Variants in MFHAS1 observed in about 807,000 individuals in gnomAD.
MFHAS1 encodes multifunctional ROCO family signaling regulator 1.
Under a neutral mutation model 70.4 loss-of-function variants are expected in MFHAS1, and 50 were observed. The observed-to-expected ratio is 0.71, with a 90% CI of 0.57 to 0.90. The LOEUF is 0.90. Ranked by LOEUF, MFHAS1 falls within the 40% of genes least tolerant of loss-of-function variation. MFHAS1 has a pLI of 0.00. For missense variants in MFHAS1, 1,795 were observed against 1,347.6 expected, an observed-to-expected ratio of 1.33 and a Z score of -5.20; for synonymous variants, 952 against 620.0, an observed-to-expected ratio of 1.54 and a Z score of -7.96.
chr8:8,890,620 G>C lies in MFHAS1; in HGVS notation c.2439C>G (p.Ala813=), dbSNP rs1585076907. 1 of 1,613,904 alleles carries C rather than the reference G, an allele frequency of 6.2e-7. No homozygotes were observed. The highest frequency in any genetic ancestry group is 8.5e-7 in the Non-Finnish European group (1 of 1,179,988). ...IRLLLKPHVQ[A]QQDLQLLLEL... Reference sequence around the variant, plus strand: ...CCAGCAACAGCTGCAAGTCCTGCTGGGCCTGGACATGAGGCTTAAGCAGCA... The same window carrying C: ...CCAGCAACAGCTGCAAGTCCTGCTGCGCCTGGACATGAGGCTTAAGCAGCA... Residue 813 remains alanine, a synonymous_variant, in exon 1 of 3, where the codon GCC becomes GCG. Transcript: ENST00000276282.
chr8:8,884,997 A>G (rs892814194), intron 1 of MFHAS1, among the ~76,000 whole-genome samples: 2 of 151,970 alleles, frequency 1.3e-5, no homozygotes, highest in African/African-American at 4.8e-5. Context: ...AGACCAAACT[A>G]TCATTCAGCA....
At chr8:8,867,930 A>T (rs567452089) in intron 1 of MFHAS1, among the ~76,000 whole-genome samples, 19 of 152,280 alleles carry the variant, frequency 1.2e-4, no homozygotes, top group African/African-American at 4.6e-4. Context: ...GTTTAACTCC[A>T]TTCTTCATTC....
Position 8,893,146 on chromosome 8 carries a change from C to G in MFHAS1, c.-88G>C. 1 of 875,174 alleles carries G rather than the reference C, an allele frequency of 1.1e-6. No individual in the cohort carries two copies. Among genetic ancestry groups the G allele is most frequent in the Non-Finnish European group, 1.5e-6 (1 of 662,784 alleles). 54.2% of individuals were successfully genotyped at this position (875,174 alleles called of 1,614,324 possible). On this transcript the variant is annotated 5_prime_UTR_variant, in exon 1 of 3. Transcript: ENST00000276282. ...CGCCCCGGGCCCTCCGGCTCCTGCC[C>G]CTGCCTGCCCTCCCGCGCTCGGCGG...
chr8:8,784,240 G>A lies in MFHAS1; in HGVS notation c.*1782C>T, dbSNP rs1805456436. On this transcript the variant is annotated 3_prime_UTR_variant, in exon 3 of 3. Coordinates refer to ENST00000276282, the MANE Select transcript of MFHAS1 (RefSeq NM_004225.3). ...AATTCTTACTTCCCAACTATTCAAT[G>A]GTCCAAAAAGCAATTAAATGTGACC... 6.6e-6 allele frequency: 1 copy of A among 151,568 alleles called. No individual in the cohort carries two copies. The highest frequency in any genetic ancestry group is 2.4e-5 in the African/African-American group (1 of 41,224). The allele number at this position is 151,568 out of a possible 1,614,324, so 9.4% of individuals were successfully genotyped here.
At chr8:8,810,225 G>A (rs1296794569) in intron 1 of MFHAS1, among the ~76,000 whole-genome samples, 1 of 152,188 alleles carries the variant, frequency 6.6e-6, no homozygotes, top group Non-Finnish European at 1.5e-5. Context: ...AATTAGCCAG[G>A]CATGGTGGTG....
intron 1 of MFHAS1, among the ~76,000 whole-genome samples, chr8:8,832,283 G>T (rs1435459422): frequency 6.6e-6 from 1 of 152,044 alleles, no homozygotes; most frequent in Non-Finnish European, 1.5e-5. Context: ...GAAAAAGCAA[G>T]CCACCCACTG....
In MFHAS1 at chr8:8,858,152, T is replaced by C. The variant is rs117408729; in HGVS notation, c.2998+31909A>G. Among the ~76,000 whole-genome samples the C allele has an allele frequency of 6.5e-4, 99 of 152,122 alleles. 2 individuals carry two copies. The East Asian group carries it at 0.017, about 26-fold the overall frequency. On this transcript the variant is annotated intron_variant, in intron 1 of 2. Transcript: ENST00000276282. ...AGAAATTGGGACGGAGCACAGGGGGTATACAAGGCAGGGAGTAGTTAAGAA... is the reference window on the plus strand; with the variant it reads ...AGAAATTGGGACGGAGCACAGGGGGCATACAAGGCAGGGAGTAGTTAAGAA...
Position 8,891,142 on chromosome 8 carries a change from C to T in MFHAS1, c.1917G>A (p.Arg639=). 6.2e-7 allele frequency: 1 copy of T among 1,613,728 alleles called. No homozygotes were observed. Among genetic ancestry groups the T allele is most frequent in the African/African-American group, 1.3e-5 (1 of 75,056 alleles). Residue 639 remains arginine (R), a synonymous_variant, in exon 1 of 3, where the codon CGG becomes CGA. Coordinates refer to ENST00000276282, the MANE Select transcript of MFHAS1 (RefSeq NM_004225.3). The surrounding 1 kb of genome is among the most constrained non-coding windows in gnomAD (Gnocchi z 5.4). The part of the protein sequence containing the change: ...CRDPRHLRRL[R]DKLLSVAEHR... The stretch of plus-strand genomic sequence containing the variant: ...GCTCAGCAACTGACAGCAACTTGTC[C>T]CGAAGGCGTCGTAAGTGGCGCGGGT...
intron 1 of MFHAS1, among the ~76,000 whole-genome samples, chr8:8,813,415 A>ATT: frequency 6.6e-6 from 1 of 152,280 alleles, no homozygotes; most frequent in East Asian, 1.9e-4. Flanking sequence ...AGGAGAAGGC[A>ATT]TTTTTATTAC....
At chr8:8,794,787 T>A (rs1259048092) in intron 2 of MFHAS1, among the ~76,000 whole-genome samples, 3 of 152,212 alleles carry the variant, frequency 2.0e-5, no homozygotes, top group Non-Finnish European at 2.9e-5. Flanking sequence ...CAAAAGTGGT[T>A]CAATGCCTAA....
rs998983200 is a variant in MFHAS1 at position 8,798,397 on chromosome 8, C to T, written c.2999-906G>A. 7.9e-5 allele frequency among the ~76,000 whole-genome samples: 12 copies of T among 152,206 alleles called. No homozygotes were observed. The South Asian group carries it at 2.5e-3, about 32-fold the overall frequency. ...CTGAAGTGCAGTGGCCTAATCACAG[C>T]TCTCTGCAGCCTCAATCTCCCAGGC... On this transcript the variant is annotated intron_variant, in intron 1 of 2. Coordinates refer to ENST00000276282, the MANE Select transcript of MFHAS1 (RefSeq NM_004225.3).
rs751282329 is a variant in MFHAS1 at position 8,890,293 on chromosome 8, T to A, written c.2766A>T (p.Lys922Asn). The change falls in exon 1 of 3, where the codon AAA becomes AAT. Residue 922 changes from lysine (K) to asparagine (N), a missense_variant. Lys to Asn is a moderately conservative substitution (Grantham distance 94, BLOSUM62 0). Transcript: ENST00000276282. ...GTCTGTAACTCACAACCACAGGAAC[T>A]TTCCCTCTATAGGCAAAGATCTGAA... ...GKFQIFAYRG[K>N]VPVVVSYRPA... 1 of 1,614,206 alleles carries A rather than the reference T, an allele frequency of 6.2e-7. No homozygotes were observed. Among genetic ancestry groups the A allele is most frequent in the Non-Finnish European group, 8.5e-7 (1 of 1,180,042 alleles).
At chr8:8,876,996 T>C (rs938450357) in intron 1 of MFHAS1, among the ~76,000 whole-genome samples, 8 of 151,154 alleles carry the variant, frequency 5.3e-5, no homozygotes, top group Admixed American at 4.6e-4. Context: ...ACAAATGAAG[T>C]GCATAAGACA....
intron 1 of MFHAS1, among the ~76,000 whole-genome samples, chr8:8,853,490 AC>A (rs1320424118): frequency 4.2e-4 from 59 of 141,342 alleles, no homozygotes; most frequent in African/African-American, 1.5e-3. Context: ...AAAAAAAAAA[AC>A]CACACACAAC....
At chr8:8,826,247 AGT>A (rs112140342) in intron 1 of MFHAS1, among the ~76,000 whole-genome samples, 3,340 of 147,824 alleles carry the variant, frequency 0.023, 78 homozygotes, top group African/African-American at 0.055. Flanking sequence ...AAACACAAAG[AGT>A]GTGTGTGTGT....
At chr8:8,865,276 CAAAA>C (rs35910015) in intron 1 of MFHAS1, among the ~76,000 whole-genome samples, 106 of 64,694 alleles carry the variant, frequency 1.6e-3, no homozygotes, top group African/African-American at 5.9e-3. Flanking sequence ...GACTCCATCT[CAAAA>C]AAAAAAAAAA....
intron 1 of MFHAS1, among the ~76,000 whole-genome samples, chr8:8,803,401 C>G (rs112769142): frequency 0.028 from 4,208 of 151,674 alleles, 201 homozygotes; most frequent in African/African-American, 0.097. Flanking sequence ...CCTGTAATCC[C>G]AGCTACCTGG....
intron 1 of MFHAS1, among the ~76,000 whole-genome samples, chr8:8,807,045 A>T (rs1806316235): frequency 6.6e-6 from 1 of 152,030 alleles, no homozygotes; most frequent in African/African-American, 2.4e-5. Context: ...GGGGGTATAG[A>T]AAATCATTCC....
At chr8:8,787,885 T>C (rs1209572370) in intron 2 of MFHAS1, among the ~76,000 whole-genome samples, 1 of 152,222 alleles carries the variant, frequency 6.6e-6, no homozygotes, top group Non-Finnish European at 1.5e-5. Context: ...TCAACCAGCT[T>C]GAAAATTGTT....
Sources: allele counts gnomAD v4.1 joint callset (sites outside exome capture counted in the v4.1 genomes callset), GRCh38; gene constraint gnomAD v4.1.1; non-coding constraint Gnocchi (gnomAD v3.1); transcripts MANE v1.5; gene names NCBI Gene and HGNC (gene_info 2026-07-23, HGNC 2026-07-21).